Variants in SNTB1 observed in about 807,000 individuals in gnomAD.
SNTB1 encodes the protein syntrophin beta 1, also known as beta-1-syntrophin.
Under a neutral mutation model 48.9 loss-of-function variants are expected in SNTB1, and 36 were observed. The observed-to-expected ratio is 0.74, with a 90% confidence interval of 0.56 to 0.97. The LOEUF (loss-of-function observed/expected upper bound fraction) is 0.97, where lower values mean the gene tolerates loss of function less well. Ranked by LOEUF, SNTB1 falls within the 50% of genes least tolerant of loss-of-function variation. The probability of loss-of-function intolerance (pLI) is 0.00; values close to 1 mark genes in which losing one functional copy is unlikely to be tolerated. For synonymous variants in SNTB1, 299 were observed against 294.6 expected (o/e 1.01, Z -0.15); for missense variants, 786 against 703.4 (o/e 1.12, Z -1.33).
At chr8:120,599,041 A>G (rs1001250108) in intron 3 of SNTB1, among the ~76,000 whole-genome samples, 2 of 152,176 alleles carry the variant, frequency 1.3e-5, no homozygotes, top group East Asian at 3.8e-4. Context: ...CAATGTTCAC[A>G]GGTTCCAGGG....
At chr8:120,543,363 G>A (rs1815323688) in intron 5 of SNTB1, among the ~76,000 whole-genome samples, 1 of 152,152 alleles carries the variant, frequency 6.6e-6, no homozygotes, top group African/African-American at 2.4e-5. Context: ...TGGGGATGGG[G>A]CTTGGAGGCA....
At chr8:120,636,467 C>T (rs1817080111) in intron 2 of SNTB1, among the ~76,000 whole-genome samples, 1 of 131,920 alleles carries the variant, frequency 7.6e-6, no homozygotes, top group South Asian at 2.6e-4. Context: ...TGTTCAATTC[C>T]CACCTATGAG....
At chr8:120,703,925 T>G (rs1037012109) in intron 1 of SNTB1, among the ~76,000 whole-genome samples, 5 of 152,214 alleles carry the variant, frequency 3.3e-5, no homozygotes, top group African/African-American at 1.2e-4. Flanking sequence ...ACGCCTACCT[T>G]ATAAGAAAGA....
intron 4 of SNTB1, among the ~76,000 whole-genome samples, chr8:120,563,074 C>T (rs188380227): frequency 6.6e-6 from 1 of 152,154 alleles, no homozygotes; most frequent in Admixed American, 6.5e-5. Flanking sequence ...ATAAACTGGG[C>T]TCAGAGCAGT....
At chr8:120,749,028 A>T (rs1563588884) in intron 1 of SNTB1, among the ~76,000 whole-genome samples, 2 of 152,242 alleles carry the variant, frequency 1.3e-5, no homozygotes, top group Non-Finnish European at 2.9e-5. Flanking sequence ...AACATAATAC[A>T]AGTGAATCAG....
intron 2 of SNTB1, among the ~76,000 whole-genome samples, chr8:120,666,997 C>T (rs1217615349): frequency 1.3e-5 from 2 of 151,830 alleles, no homozygotes; most frequent in Admixed American, 6.6e-5. Context: ...TTCTAACATC[C>T]ATGTCAGTTC....
intron 1 of SNTB1, among the ~76,000 whole-genome samples, chr8:120,727,535 G>C (rs1435460665): frequency 3.3e-5 from 5 of 152,180 alleles, no homozygotes; most frequent in African/African-American, 1.2e-4. Context: ...GCTTCGTACA[G>C]TGCCTAGCAA....
chr8:120,658,944 C>T (rs541288392), intron 2 of SNTB1, among the ~76,000 whole-genome samples: 2 of 151,866 alleles, frequency 1.3e-5, no homozygotes, highest in Admixed American at 6.6e-5. Flanking sequence ...GCTTTATCAA[C>T]AAAGTTTATG....
At chr8:120,671,868 A>C (rs554924247) in intron 2 of SNTB1, among the ~76,000 whole-genome samples, 1 of 152,294 alleles carries the variant, frequency 6.6e-6, no homozygotes, top group Non-Finnish European at 1.5e-5. Flanking sequence ...AGATAGACTT[A>C]TTTTTCACTG....
At position 120,536,038 on chromosome 8, in the gene SNTB1, A is replaced by T. The variant is rs1178946277; in HGVS notation, c.*2839T>A. On this transcript the variant is annotated 3_prime_UTR_variant, in exon 7 of 7. Coordinates refer to ENST00000517992, the MANE Select transcript of SNTB1 (RefSeq NM_021021.4). ...CATGTGTTTTCAGGGTTTTAATTGCACTAGTTGATGAATTAAGTAAATGCC... is the reference window on the plus strand; with the variant it reads ...CATGTGTTTTCAGGGTTTTAATTGCTCTAGTTGATGAATTAAGTAAATGCC... The T allele has an allele frequency of 6.6e-6, 1 of 152,182 alleles. No individual in the cohort carries two copies. Among genetic ancestry groups the T allele is most frequent in the East Asian group, 1.9e-4 (1 of 5,186 alleles). 9.4% of individuals were successfully genotyped at this position (152,182 alleles called of 1,614,324 possible).
intron 5 of SNTB1, among the ~76,000 whole-genome samples, chr8:120,542,999 A>G (rs893838910): frequency 2.0e-5 from 3 of 152,104 alleles, no homozygotes; most frequent in Non-Finnish European, 4.4e-5. Flanking sequence ...GCATCCAGGA[A>G]TCTCATGGGT....
chr8:120,555,493 C>T (rs977155212), intron 4 of SNTB1, among the ~76,000 whole-genome samples: 3 of 152,116 alleles, frequency 2.0e-5, no homozygotes, highest in Non-Finnish European at 4.4e-5. Context: ...TTGCTGTACA[C>T]GTGGCCGGCA....
chr8:120,561,121 A>G (rs1815647500), intron 4 of SNTB1, among the ~76,000 whole-genome samples: 1 of 152,024 alleles, frequency 6.6e-6, no homozygotes, highest in Admixed American at 6.6e-5. Flanking sequence ...TGAGGTCAGG[A>G]GTTCAAGACC....
At chr8:120,620,787 C>G (rs1162436499) in intron 3 of SNTB1, among the ~76,000 whole-genome samples, 1 of 151,944 alleles carries the variant, frequency 6.6e-6, no homozygotes, top group Non-Finnish European at 1.5e-5. Context: ...GTAAAATACA[C>G]AAACATGCCT....
At chr8:120,702,240 GC>G (rs1281929194) in intron 1 of SNTB1, among the ~76,000 whole-genome samples, 1 of 152,134 alleles carries the variant, frequency 6.6e-6, no homozygotes, top group Non-Finnish European at 1.5e-5. Flanking sequence ...CATTAAACAA[GC>G]AGACAATATA....
intron 6 of SNTB1, among the ~76,000 whole-genome samples, chr8:120,539,717 C>T (rs1249020602): frequency 6.6e-6 from 1 of 152,072 alleles, no homozygotes; most frequent in Non-Finnish European, 1.5e-5. Context: ...TTCTGCTGTC[C>T]CCAGTTTTGT....
intron 3 of SNTB1, among the ~76,000 whole-genome samples, chr8:120,586,763 A>G (rs952786412): frequency 9.2e-5 from 14 of 152,208 alleles, no homozygotes; most frequent in African/African-American, 3.4e-4. Context: ...GTTGAAAAAT[A>G]ACGTATGGAG....
chr8:120,713,110 G>A (rs548929032), intron 1 of SNTB1, among the ~76,000 whole-genome samples: 1 of 152,226 alleles, frequency 6.6e-6, no homozygotes, highest in African/African-American at 2.4e-5. Flanking sequence ...AAAGAGTTAC[G>A]ATCATCTGGG....
intron 1 of SNTB1, among the ~76,000 whole-genome samples, chr8:120,810,463 C>T (rs1820405818): frequency 6.6e-6 from 1 of 152,180 alleles, no homozygotes; most frequent in Non-Finnish European, 1.5e-5. Context: ...TTTCTAGGCT[C>T]TTCGCACGCA....
Sources: allele counts gnomAD v4.1 joint callset (sites outside exome capture counted in the v4.1 genomes callset), GRCh38; gene constraint gnomAD v4.1.1; transcripts MANE v1.5; gene names NCBI Gene and HGNC (gene_info 2026-07-23, HGNC 2026-07-21).